The following FAM13C variants were observed in gnomAD, a reference collection of about 807,000 sequenced individuals.
FAM13C encodes protein FAM13C.
FAM13C carries 37 observed loss-of-function variants against 73.2 expected under a neutral mutation model. That is an observed-to-expected ratio of 0.51 (90% CI 0.39 to 0.67). The LOEUF is 0.67. FAM13C is among the 30% of genes least tolerant of loss of function. FAM13C has a pLI of 0.00. For missense variants in FAM13C, 589 were observed against 715.6 expected (o/e 0.82, Z 2.02); for synonymous variants, 246 against 260.9 (o/e 0.94, Z 0.55).
At chr10:59,287,381 T>G (rs941359857) in intron 5 of FAM13C, among the ~76,000 whole-genome samples, 6 of 149,950 alleles carry the variant, frequency 4.0e-5, no homozygotes, top group African/African-American at 1.5e-4. Context: ...AATGGTAAAT[T>G]TTAGGTTAGA....
chr10:59,358,968 C>T (rs1281337590), intron 1 of FAM13C, among the ~76,000 whole-genome samples: 3 of 152,200 alleles, frequency 2.0e-5, no homozygotes, highest in Non-Finnish European at 4.4e-5. Flanking sequence ...TTCTCATTTA[C>T]CTTGGTAAAG....
At chr10:59,338,269 T>A (rs1314002728) in intron 3 of FAM13C, among the ~76,000 whole-genome samples, 1 of 152,142 alleles carries the variant, frequency 6.6e-6, no homozygotes, top group Admixed American at 6.5e-5. Context: ...CCACTGCCTG[T>A]TCCTCTCACT....
intron 13 of FAM13C, chr10:59,251,276 A>G: frequency 2.5e-6 from 1 of 402,176 alleles, no homozygotes; most frequent in Non-Finnish European, 4.4e-6. Context: ...GATTTTTTTA[A>G]AGGTTTAAAT....
intron 4 of FAM13C, among the ~76,000 whole-genome samples, chr10:59,309,729 T>C (rs1280730588): frequency 1.3e-5 from 2 of 152,238 alleles, no homozygotes; most frequent in African/African-American, 4.8e-5. Context: ...ATTTGTGTAA[T>C]TATTTGATTG....
intron 3 of FAM13C, among the ~76,000 whole-genome samples, chr10:59,341,531 T>C (rs1853515722): frequency 6.6e-6 from 1 of 151,612 alleles, no homozygotes; most frequent in Admixed American, 6.6e-5. Flanking sequence ...CTACTGAAAA[T>C]ACAAAAAATT....
intron 5 of FAM13C, among the ~76,000 whole-genome samples, chr10:59,296,627 G>A (rs1002285358): frequency 3.3e-5 from 5 of 152,128 alleles, no homozygotes; most frequent in African/African-American, 1.2e-4. Context: ...TTGAACATCT[G>A]TTGCATGCTA....
chr10:59,281,221 G>C (rs1844885875), intron 6 of FAM13C, among the ~76,000 whole-genome samples: 1 of 152,086 alleles, frequency 6.6e-6, no homozygotes, highest in Non-Finnish European at 1.5e-5. Context: ...AAGTTTTAAG[G>C]TGTCCAAAGA....
Position 59,283,391 on chromosome 10 carries a change from G to A in FAM13C, c.564C>T (p.Ser188=), listed in dbSNP as rs147149862. 1.5e-3 allele frequency: 2,465 copies of A among 1,614,188 alleles called. 8 individuals carry two copies. The highest frequency in any genetic ancestry group is 2.0e-3 in the Middle Eastern group (12 of 6,062). Residue 188 remains serine (S), a synonymous_variant, in exon 6 of 14, where the codon AGC becomes AGT. Transcript: ENST00000618804. ...CAGAATCTGTCCCATCGGCAAGCAC[G>A]CTCTGGGTTGATGCTGGCGCCGGGT... The part of the protein sequence containing the change: ...VKDPAPASTQ[S]VLADGTDSAD...
Position 59,247,644 on chromosome 10 carries a change from G to A in FAM13C, c.1728C>T (p.Ile576=). 6.2e-7 allele frequency: 1 copy of A among 1,613,516 alleles called. No individual in the cohort carries two copies. The highest frequency in any genetic ancestry group is 1.7e-5 in the Admixed American group (1 of 60,004). Residue 576 remains isoleucine, a synonymous_variant, in exon 14 of 14, where the codon ATC becomes ATT. Transcript: ENST00000618804. ...KAKLRLLEVL[I]SKQDVAKTI is the part of the protein sequence containing the mutation. The stretch of plus-strand genomic sequence containing the variant: ...TAGTTTTGGCCACATCTTGCTTGCT[G>A]ATGAGGACCTCTAATAGTCTCAGTT...
chr10:59,335,813 C>T (rs1852648873), intron 3 of FAM13C, among the ~76,000 whole-genome samples: 1 of 152,190 alleles, frequency 6.6e-6, no homozygotes, highest in Admixed American at 6.5e-5. Context: ...GCCACTCTCT[C>T]ATAGGACTCA....
chr10:59,331,145 G>A (rs1330911932), intron 3 of FAM13C, among the ~76,000 whole-genome samples: 2 of 152,190 alleles, frequency 1.3e-5, no homozygotes, highest in African/African-American at 2.4e-5. Flanking sequence ...GGTGGTGGGG[G>A]ATGGAAGAGG....
intron 3 of FAM13C, among the ~76,000 whole-genome samples, chr10:59,331,033 T>C (rs1589647191): frequency 1.3e-5 from 2 of 152,288 alleles, no homozygotes; most frequent in Non-Finnish European, 2.9e-5. Flanking sequence ...TCTGATGACA[T>C]ACATTCATCA....
At chr10:59,281,765 C>T (rs944142842) in intron 6 of FAM13C, among the ~76,000 whole-genome samples, 1 of 152,200 alleles carries the variant, frequency 6.6e-6, no homozygotes, top group Admixed American at 6.5e-5. Flanking sequence ...GTTGGGAAGA[C>T]ACATAAAAGT....
chr10:59,320,714 G>A (rs879581234), intron 4 of FAM13C, among the ~76,000 whole-genome samples: 6 of 152,208 alleles, frequency 3.9e-5, no homozygotes, highest in African/African-American at 7.2e-5. Flanking sequence ...AGCCGGATTC[G>A]TTACAGCTCG....
At chr10:59,349,208 A>T (rs766993525) in intron 3 of FAM13C, among the ~76,000 whole-genome samples, 1 of 152,186 alleles carries the variant, frequency 6.6e-6, no homozygotes, top group Non-Finnish European at 1.5e-5. Flanking sequence ...TCTGTCATCT[A>T]TAGATGGTTA....
rs375689096 is a variant in FAM13C at position 59,357,455 on chromosome 10, A to C, written c.63-1512T>G. On this transcript the variant is annotated intron_variant, in intron 1 of 13. Coordinates refer to ENST00000618804, the MANE Select transcript of FAM13C (RefSeq NM_198215.4). ...TGCCAGAGTACCCCAGAGACAGTCA[A>C]AAATACTTGAATTGAAATATTAACT... Among the ~76,000 whole-genome samples the C allele has an allele frequency of 9.6e-4, 147 of 152,340 alleles. 1 individual carries two copies. The highest frequency in any genetic ancestry group is 3.3e-3 in the African/African-American group (138 of 41,586).
chr10:59,278,904 C>G (rs954972627), intron 6 of FAM13C, among the ~76,000 whole-genome samples: 15 of 152,124 alleles, frequency 9.9e-5, no homozygotes, highest in African/African-American at 3.6e-4. Context: ...ATTCTGTGCA[C>G]TTCTGAGGTT....
At chr10:59,277,656 T>C (rs578001959) in intron 6 of FAM13C, among the ~76,000 whole-genome samples, 119 of 152,270 alleles carry the variant, frequency 7.8e-4, no homozygotes, top group Admixed American at 1.4e-3. Context: ...CAAATCTAGA[T>C]CTCTTCAGTC....
intron 10 of FAM13C, among the ~76,000 whole-genome samples, chr10:59,258,680 A>C (rs1842176218): frequency 6.6e-6 from 1 of 152,086 alleles, no homozygotes; most frequent in South Asian, 2.1e-4. Context: ...TTTTTGAACT[A>C]TGTGAGAAAG....
Sources: allele counts gnomAD v4.1 joint callset (sites outside exome capture counted in the v4.1 genomes callset), GRCh38; gene constraint gnomAD v4.1.1; transcripts MANE v1.5; gene names NCBI Gene and HGNC (gene_info 2026-07-23, HGNC 2026-07-21).